PRKCB: variants seen among roughly 807,000 people sequenced by gnomAD.
The protein encoded by PRKCB is protein kinase C beta, also known as protein kinase C beta type.
In PRKCB, 13 loss-of-function variants were observed where a neutral mutation model predicts 81.5. That is an observed-to-expected ratio of 0.16 (90% CI 0.10 to 0.25). PRKCB has a LOEUF of 0.25. Among genes scored for constraint, PRKCB ranks in the 10% least tolerant of loss-of-function variants. PRKCB has a pLI of 1.00. For missense variants in PRKCB, 509 were observed against 875.7 expected, an observed-to-expected ratio of 0.58 and a Z score of 5.29; for synonymous variants, 335 against 321.4, an observed-to-expected ratio of 1.04 and a Z score of -0.45.
intron 3 of PRKCB, among the ~76,000 whole-genome samples, chr16:24,025,203 A>G (rs1031245715): frequency 6.6e-6 from 1 of 152,186 alleles, no homozygotes; most frequent in African/African-American, 2.4e-5. Context: ...TAGCATGTTT[A>G]TGGTGCAGGG....
At chr16:24,019,975 A>G (rs748015893) in intron 3 of PRKCB, among the ~76,000 whole-genome samples, 1 of 152,148 alleles carries the variant, frequency 6.6e-6, no homozygotes, top group Non-Finnish European at 1.5e-5. Flanking sequence ...CTTCCTATGT[A>G]TGCAGGTTAT....
chr16:23,959,282 A>G (rs986995492), intron 2 of PRKCB, among the ~76,000 whole-genome samples: 9 of 152,106 alleles, frequency 5.9e-5, no homozygotes, highest in African/African-American at 1.7e-4. Context: ...TCTCCTGACC[A>G]CTTTCCATTT....
chr16:23,956,433 A>G (rs983874842), intron 2 of PRKCB, among the ~76,000 whole-genome samples: 1 of 152,130 alleles, frequency 6.6e-6, no homozygotes, highest in Non-Finnish European at 1.5e-5. Context: ...TATTATTTAC[A>G]TTCATATTTA....
intron 5 of PRKCB, among the ~76,000 whole-genome samples, chr16:24,068,951 G>A (rs1472032607): frequency 1.3e-5 from 2 of 152,174 alleles, no homozygotes; most frequent in African/African-American, 4.8e-5. Context: ...TATAAAATAA[G>A]AGCCAATAAT....
intron 12 of PRKCB, among the ~76,000 whole-genome samples, chr16:24,177,096 C>T (rs930510974): frequency 3.9e-5 from 6 of 152,118 alleles, no homozygotes; most frequent in African/African-American, 1.4e-4. Context: ...CAACTGGGTT[C>T]TTGAGAAGAT....
chr16:24,034,367 C>T (rs1351864106), intron 4 of PRKCB, among the ~76,000 whole-genome samples: 2 of 152,182 alleles, frequency 1.3e-5, no homozygotes, highest in Non-Finnish European at 2.9e-5. Flanking sequence ...GTGACTTGGC[C>T]TCTCCTTCTG....
chr16:23,880,218 C>G (rs1963084115), intron 2 of PRKCB, among the ~76,000 whole-genome samples: 2 of 152,262 alleles, frequency 1.3e-5, no homozygotes, highest in Non-Finnish European at 2.9e-5. Context: ...TGTGCTCACA[C>G]AGATGACAGC....
intron 2 of PRKCB, among the ~76,000 whole-genome samples, chr16:23,897,417 T>G (rs1430797554): frequency 6.6e-6 from 1 of 152,220 alleles, no homozygotes; most frequent in Non-Finnish European, 1.5e-5. Context: ...AAATTATTTT[T>G]TTTGCTTTTT....
Position 24,056,045 on chromosome 16 carries a change from A to G in PRKCB, c.529+20498A>G, listed in dbSNP as rs371736308. ...GGAGTTTGGTCCCAGGTCTGTTTGCATCTAACACCCAGCCCCTTAACCACT... is the reference window on the plus strand; with the variant it reads ...GGAGTTTGGTCCCAGGTCTGTTTGCGTCTAACACCCAGCCCCTTAACCACT... On this transcript the variant is annotated intron_variant, in intron 5 of 16. Coordinates refer to ENST00000643927, the MANE Select transcript of PRKCB (RefSeq NM_002738.7). 9.5e-4 allele frequency among the ~76,000 whole-genome samples: 145 copies of G among 152,332 alleles called. 2 individuals carry two copies. In the South Asian group the frequency reaches 0.029, roughly 31 times the overall value.
rs1259574150 is a variant in PRKCB, at chr16:23,836,356, C to A, written c.173+8C>A. The A allele has an allele frequency of 6.3e-7, 1 of 1,599,498 alleles. No individual in the cohort carries two copies. Among genetic ancestry groups the A allele is most frequent in the Admixed American group, 1.7e-5 (1 of 59,460 alleles). On this transcript the variant is annotated splice_region_variant and intron_variant, in intron 1 of 16. Coordinates refer to ENST00000643927, the MANE Select transcript of PRKCB (RefSeq NM_002738.7). ...CTGCACCGACTTCATCTGGTGAGCG[C>A]GCGCGCGCAGGGCACCTTCCCGGGC...
chr16:23,971,291 T>C (rs1964552675), intron 2 of PRKCB, among the ~76,000 whole-genome samples: 1 of 152,194 alleles, frequency 6.6e-6, no homozygotes, highest in Non-Finnish European at 1.5e-5. Flanking sequence ...GCAATCGTGA[T>C]CGCCATCAGA....
intron 2 of PRKCB, among the ~76,000 whole-genome samples, chr16:23,884,867 C>CTAG (rs1952402483): frequency 6.6e-6 from 1 of 151,724 alleles, no homozygotes; most frequent in South Asian, 2.1e-4. Context: ...TTGTGGCATT[C>CTAG]TAGTAGCCCT....
intron 8 of PRKCB, among the ~76,000 whole-genome samples, chr16:24,123,346 A>G (rs1055076989): frequency 2.0e-5 from 3 of 152,190 alleles, no homozygotes; most frequent in African/African-American, 7.2e-5. Flanking sequence ...GAAGCACCCT[A>G]GCAATGATGG....
intron 13 of PRKCB, among the ~76,000 whole-genome samples, chr16:24,181,724 T>C (rs937327632): frequency 8.1e-6 from 1 of 122,700 alleles, no homozygotes; most frequent in Non-Finnish European, 1.6e-5. Context: ...GCCGTGATTA[T>C]GCCACTGCAC....
At chr16:23,859,972 T>A (rs2141089440) in intron 2 of PRKCB, among the ~76,000 whole-genome samples, 1 of 151,234 alleles carries the variant, frequency 6.6e-6, no homozygotes, top group Middle Eastern at 3.4e-3. Context: ...AAATGAGAAG[T>A]GATGGGAAAA....
chr16:24,113,125 T>C, intron 8 of PRKCB, 56 bp downstream of exon 8: 1 of 1,350,834 alleles, frequency 7.4e-7, no homozygotes, highest in Non-Finnish European at 1.0e-6. Context: ...TTTTCCTTCT[T>C]TCCTCCTGCT....
intron 5 of PRKCB, among the ~76,000 whole-genome samples, chr16:24,040,279 C>G (rs1490537885): frequency 6.6e-6 from 1 of 152,220 alleles, no homozygotes; most frequent in African/African-American, 2.4e-5. Flanking sequence ...TCTTTATTCA[C>G]TGTCTCCTCC....
chr16:23,935,183 G>A (rs1349045371), intron 2 of PRKCB, among the ~76,000 whole-genome samples: 3 of 152,138 alleles, frequency 2.0e-5, no homozygotes, highest in Admixed American at 6.5e-5. Flanking sequence ...TCTTTTAAAT[G>A]CCCCAATGCC....
intron 3 of PRKCB, among the ~76,000 whole-genome samples, chr16:24,022,995 G>A (rs1446357120): frequency 6.6e-6 from 1 of 152,244 alleles, no homozygotes; most frequent in Non-Finnish European, 1.5e-5. Context: ...TGTCTAGTCA[G>A]TGTGGCCTGG....
Sources: gnomAD v4.1 joint callset for allele counts (sites outside exome capture counted in the v4.1 genomes callset) on GRCh38, gnomAD v4.1.1 for gene constraint, MANE v1.5 for transcripts, NCBI Gene and HGNC (gene_info 2026-07-23, HGNC 2026-07-21) for gene names.